WDPCP: variants seen among roughly 807,000 people sequenced by gnomAD.
WDPCP encodes the protein WD repeat containing planar cell polarity effector.
WDPCP carries 71 observed loss-of-function variants against 93.1 expected under a neutral mutation model. That is an observed-to-expected ratio of 0.76 (90% CI 0.63 to 0.93). The LOEUF is 0.93. WDPCP is among the 40% of genes least tolerant of loss of function. The probability of loss-of-function intolerance (pLI) is 0.00; values close to 1 mark genes in which losing one functional copy is unlikely to be tolerated. For missense variants in WDPCP, 844 were observed against 887.4 expected, an observed-to-expected ratio of 0.95 and a Z score of 0.62; for synonymous variants, 315 against 315.0, an observed-to-expected ratio of 1.00 and a Z score of 0.00.
rs1195284455 is a variant in WDPCP at position 63,404,092 on chromosome 2, A to T, written c.1391T>A (p.Leu464His). 1 of 1,614,140 alleles carries T rather than the reference A, an allele frequency of 6.2e-7. No homozygotes were observed. The highest frequency in any genetic ancestry group is 2.2e-5 in the East Asian group (1 of 44,880). ...ACCCAAAGGTCCTCTTTCAAACCTGAGGAAGAGGAGATCATAGATATCACT... is the reference window on the plus strand; with the variant it reads ...ACCCAAAGGTCCTCTTTCAAACCTGTGGAAGAGGAGATCATAGATATCACT... ...EGSDIYDLLF[L>H]RFERGPLGVL... The change falls in exon 10 of 18, where the codon CTC (leucine) becomes CAC (histidine). Residue 464 changes from leucine to histidine, a missense_variant. Coordinates refer to ENST00000272321, the MANE Select transcript of WDPCP (RefSeq NM_015910.7).
chr2:63,526,467 G>C (rs1472785303), intron 1 of WDPCP, among the ~76,000 whole-genome samples: 1 of 152,188 alleles, frequency 6.6e-6, no homozygotes. Flanking sequence ...TAAGAGGAAA[G>C]ATACAGGGGA....
At chr2:63,238,219 T>C (rs954812103) in intron 14 of WDPCP, among the ~76,000 whole-genome samples, 1 of 152,094 alleles carries the variant, frequency 6.6e-6, no homozygotes, top group African/African-American at 2.4e-5. Flanking sequence ...AGTGAAATAA[T>C]TCATTTTTGA....
intron 1 of WDPCP, among the ~76,000 whole-genome samples, chr2:63,822,673 G>A (rs1426270805): frequency 6.6e-6 from 1 of 151,804 alleles, no homozygotes. Flanking sequence ...ACTGCTTGTG[G>A]CCGAAAGTTT....
intron 14 of WDPCP, among the ~76,000 whole-genome samples, chr2:63,188,495 G>C (rs1307473089): frequency 6.6e-6 from 1 of 150,744 alleles, no homozygotes; most frequent in Non-Finnish European, 1.5e-5. Context: ...CAGGTCCACA[G>C]TTTATTTTTG....
rs114707554 is a variant in WDPCP, at chr2:63,616,453, C to T, written n.488+34206G>A. On this transcript the variant is annotated intron_variant and non_coding_transcript_variant, in intron 3 of 4. Coordinates refer to the WDPCP transcript ENST00000467687. ...GGAGCCAGTCCATGCTAGACCCTCA[C>T]CTTAGCCTAATAGGCTAGATTTCTT... is the stretch of plus-strand genomic sequence containing the variant. 4.6e-3 allele frequency among the ~76,000 whole-genome samples: 707 copies of T among 152,326 alleles called. 9 individuals carry two copies. Among genetic ancestry groups the T allele is most frequent in the African/African-American group, 0.016 (662 of 41,582 alleles).
chr2:63,422,147 C>G (rs1695912766), intron 9 of WDPCP, among the ~76,000 whole-genome samples: 2 of 152,080 alleles, frequency 1.3e-5, no homozygotes, highest in Non-Finnish European at 2.9e-5. Context: ...AAAAGGAAAC[C>G]ACAGTGTCTT....
At chr2:63,711,738 G>A (rs1424498286) in intron 2 of WDPCP, 1 of 152,276 alleles carries the variant, frequency 6.6e-6, no homozygotes, top group Non-Finnish European at 1.5e-5. Flanking sequence ...TCCAGCCTAG[G>A]TGACAGAGCA....
intron 14 of WDPCP, among the ~76,000 whole-genome samples, chr2:63,178,657 CTT>C (rs1491149151): frequency 2.0e-5 from 3 of 151,790 alleles, no homozygotes; most frequent in Non-Finnish European, 2.9e-5. Context: ...AAAACCACCT[CTT>C]AAGTTTTGTT....
At chr2:63,746,240 C>T (rs1488727819) in intron 2 of WDPCP, among the ~76,000 whole-genome samples, 1 of 152,174 alleles carries the variant, frequency 6.6e-6, no homozygotes, top group East Asian at 1.9e-4. Context: ...ATCACTTCCC[C>T]AATCAATACT....
rs535995907 is a variant in WDPCP at position 63,543,225 on chromosome 2, A to G, written c.75+44972T>C. 3.0e-4 allele frequency among the ~76,000 whole-genome samples: 46 copies of G among 152,234 alleles called. No individual in the cohort carries two copies. In the South Asian group the frequency reaches 9.5e-3, roughly 32 times the overall value. On this transcript the variant is annotated intron_variant, in intron 1 of 17. Coordinates refer to ENST00000272321, the MANE Select transcript of WDPCP (RefSeq NM_015910.7). The stretch of plus-strand genomic sequence containing the variant: ...TTTTGTATGACTCTGCATCTGAGAG[A>G]GCATTATCTTATTCACAGAAAAATA...
chr2:63,723,377 ACTT>A lies in WDPCP; in HGVS notation n.309-72542_309-72540del, dbSNP rs796742669. ...CTCTTCAGATTTCAAAGTATATGTC[ACTT>A]CTTCATAGTCACCATCCAGTGTCTC... On this transcript the variant is annotated intron_variant and non_coding_transcript_variant, in intron 2 of 4. Transcript: ENST00000467687. 4.8e-4 allele frequency among the ~76,000 whole-genome samples: 72 copies of A among 151,426 alleles called. 1 individual carries two copies. The highest frequency in any genetic ancestry group is 1.6e-3 in the African/African-American group (68 of 41,256).
chr2:63,312,427 CAG>C (rs1487116242), intron 13 of WDPCP, among the ~76,000 whole-genome samples: 1 of 152,132 alleles, frequency 6.6e-6, no homozygotes, highest in Non-Finnish European at 1.5e-5. Context: ...TGCTGTATAA[CAG>C]AATATCTGAA....
In WDPCP at chr2:63,439,804, A is replaced by G. The variant is rs1295892247; in HGVS notation, c.452T>C (p.Ile151Thr). ...GAGCTTCCCCACCAGGCTTCTGTCA[A>G]TCACCACTTTCTCCAGCTGCGGCCC... Reference protein sequence around the residue: ...LSGPQLEKVVIDRSLVGKLIS... With the variant: ...LSGPQLEKVVTDRSLVGKLIS... The change falls in exon 7 of 18, where the codon ATT becomes ACT. Residue 151 changes from isoleucine to threonine, a missense_variant. Ile to Thr is a moderately conservative substitution (Grantham distance 89, BLOSUM62 -1). Coordinates refer to ENST00000272321, the MANE Select transcript of WDPCP (RefSeq NM_015910.7). The G allele has an allele frequency of 1.9e-6, 3 of 1,613,288 alleles. No individual in the cohort carries two copies. Among genetic ancestry groups the G allele is most frequent in the Non-Finnish European group, 2.5e-6 (3 of 1,179,406 alleles).
At chr2:63,652,837 T>A (rs1439360985) in intron 2 of WDPCP, among the ~76,000 whole-genome samples, 1 of 152,136 alleles carries the variant, frequency 6.6e-6, no homozygotes, top group South Asian at 2.1e-4. Context: ...GTAGAGCATA[T>A]GGATGGATGC....
At chr2:63,716,005 G>A (rs1669333177) in intron 2 of WDPCP, among the ~76,000 whole-genome samples, 1 of 152,128 alleles carries the variant, frequency 6.6e-6, no homozygotes, top group Non-Finnish European at 1.5e-5. Flanking sequence ...ACTGCAGAGG[G>A]GTTTCTATTT....
chr2:63,757,361 T>G (rs949464028), intron 2 of WDPCP, among the ~76,000 whole-genome samples: 1 of 152,206 alleles, frequency 6.6e-6, no homozygotes, highest in Non-Finnish European at 1.5e-5. Flanking sequence ...AATATTACAA[T>G]TATCCTGTTC....
intron 9 of WDPCP, among the ~76,000 whole-genome samples, chr2:63,407,278 A>C (rs1694663435): frequency 6.6e-6 from 1 of 152,154 alleles, no homozygotes; most frequent in African/African-American, 2.4e-5. Flanking sequence ...GGCCAGATCA[A>C]GGAGACTAAT....
chr2:63,463,538 C>A (rs912904090), intron 6 of WDPCP, among the ~76,000 whole-genome samples: 2 of 152,122 alleles, frequency 1.3e-5, no homozygotes, highest in Non-Finnish European at 2.9e-5. Flanking sequence ...TAGTCAAAAC[C>A]ATTTTGAAAA....
At chr2:63,311,426 A>C (rs1408108339) in intron 13 of WDPCP, among the ~76,000 whole-genome samples, 22 of 152,224 alleles carry the variant, frequency 1.4e-4, no homozygotes, top group Admixed American at 1.4e-3. Flanking sequence ...TAGATTCATG[A>C]GCTTAAATAG....
Sources: allele counts gnomAD v4.1 joint callset (sites outside exome capture counted in the v4.1 genomes callset), GRCh38; gene constraint gnomAD v4.1.1; transcripts MANE v1.5; gene names NCBI Gene and HGNC (gene_info 2026-07-23, HGNC 2026-07-21).